The following ARHGAP10 variants were observed in gnomAD, a reference collection of about 807,000 sequenced individuals.
The protein encoded by ARHGAP10 is Rho GTPase activating protein 10, also known as rho GTPase-activating protein 10.
Under a neutral mutation model 108.6 loss-of-function variants are expected in ARHGAP10, and 87 were observed. The observed-to-expected ratio is 0.80, with a 90% CI of 0.67 to 0.96. ARHGAP10 has a LOEUF of 0.96. Ranked by LOEUF, ARHGAP10 falls within the 40% of genes least tolerant of loss-of-function variation. ARHGAP10 has a pLI of 0.00. For synonymous variants in ARHGAP10, 347 were observed against 341.1 expected, an observed-to-expected ratio of 1.02 and a Z score of -0.19; for missense variants, 939 against 954.5, an observed-to-expected ratio of 0.98 and a Z score of 0.21.
intron 13 of ARHGAP10, among the ~76,000 whole-genome samples, chr4:147,923,611 C>T (rs1350537165): frequency 6.6e-6 from 1 of 152,158 alleles, no homozygotes; most frequent in Non-Finnish European, 1.5e-5. Context: ...TTGTAACAAG[C>T]TGTGAATTCA....
intron 1 of ARHGAP10, among the ~76,000 whole-genome samples, chr4:147,763,347 C>G (rs1729664899): frequency 6.8e-6 from 1 of 147,464 alleles, no homozygotes; most frequent in South Asian, 2.1e-4. Context: ...CAGTCTCGCT[C>G]TGTCGCCAGG....
intron 1 of ARHGAP10, among the ~76,000 whole-genome samples, chr4:147,814,713 A>G (rs6848211): frequency 0.021 from 3,274 of 152,298 alleles, 114 homozygotes; most frequent in African/African-American, 0.074. Context: ...CTTTAAAAAC[A>G]ATGCTTTGAA....
intron 20 of ARHGAP10, among the ~76,000 whole-genome samples, chr4:148,053,761 G>A (rs531803898): frequency 1.3e-5 from 2 of 152,260 alleles, no homozygotes; most frequent in Non-Finnish European, 2.9e-5. Context: ...CCGACTGCCT[G>A]GCCCCTTACA....
At chr4:147,988,575 G>A (rs1457301414) in intron 18 of ARHGAP10, among the ~76,000 whole-genome samples, 1 of 152,124 alleles carries the variant, frequency 6.6e-6, no homozygotes, top group Non-Finnish European at 1.5e-5. Flanking sequence ...AAAATTGAAT[G>A]TTTATATATA....
intron 14 of ARHGAP10, among the ~76,000 whole-genome samples, chr4:147,940,284 CTG>C (rs1251290620): frequency 3.9e-5 from 6 of 152,308 alleles, no homozygotes; most frequent in African/African-American, 7.2e-5. Context: ...GCTTCCAAAA[CTG>C]TCATTTGACA....
At chr4:147,742,933 A>G (rs910064541) in intron 1 of ARHGAP10, among the ~76,000 whole-genome samples, 5 of 150,916 alleles carry the variant, frequency 3.3e-5, no homozygotes, top group African/African-American at 9.8e-5. Flanking sequence ...TTTTGGGGAC[A>G]AAGCCAGAAG....
rs1424440381 is a variant in ARHGAP10 at position 147,875,008 on chromosome 4, T to C, written c.703-13T>C. 2 of 1,566,284 alleles carry C rather than the reference T, an allele frequency of 1.3e-6. No homozygotes were observed. Among genetic ancestry groups the C allele is most frequent in the East Asian group, 2.3e-5 (1 of 43,904 alleles). ...GAACTTAACATTTATGTGTGTTTTT[T>C]AATCCATTTCAGACACGGAATCGAT... On this transcript the variant is annotated splice_polypyrimidine_tract_variant and intron_variant, in intron 7 of 22. Coordinates refer to ENST00000336498, the MANE Select transcript of ARHGAP10 (RefSeq NM_024605.4).
chr4:148,005,929 C>G (rs869764), intron 18 of ARHGAP10, among the ~76,000 whole-genome samples: 21,657 of 152,192 alleles, frequency 0.14, 2,462 homozygotes, highest in African/African-American at 0.32. Context: ...TTAGGTGAAA[C>G]AAATACATGT....
chr4:147,839,134 A>ATCTGTCTG (rs1213326296), intron 3 of ARHGAP10, among the ~76,000 whole-genome samples: 10 of 144,022 alleles, frequency 6.9e-5, no homozygotes, highest in South Asian at 2.3e-4. Context: ...CTATCTATCT[A>ATCTGTCTG]TCTATCTATC....
At chr4:147,775,917 A>G (rs1730270567) in intron 1 of ARHGAP10, among the ~76,000 whole-genome samples, 1 of 152,078 alleles carries the variant, frequency 6.6e-6, no homozygotes, top group Non-Finnish European at 1.5e-5. Context: ...CCACAACAAC[A>G]TCTCCGTTTT....
intron 19 of ARHGAP10, 90 bp downstream of exon 19, chr4:148,023,503 C>T (rs1578800684): frequency 2.3e-6 from 3 of 1,325,490 alleles, no homozygotes; most frequent in Non-Finnish European, 3.0e-6. Context: ...TTTCTGTCAT[C>T]TGTGTTTTAA....
chr4:148,067,045 T>C (rs532295559), intron 22 of ARHGAP10, among the ~76,000 whole-genome samples: 1 of 152,292 alleles, frequency 6.6e-6, no homozygotes, highest in African/African-American at 2.4e-5. Flanking sequence ...CCTCGTTCTG[T>C]CCCTCCCCTA....
intron 13 of ARHGAP10, among the ~76,000 whole-genome samples, chr4:147,933,722 C>T (rs1221685991): frequency 1.3e-5 from 2 of 152,108 alleles, no homozygotes; most frequent in Non-Finnish European, 2.9e-5. Flanking sequence ...TTCTAGTGGC[C>T]CAGATGGATG....
intron 1 of ARHGAP10, among the ~76,000 whole-genome samples, chr4:147,799,915 G>C (rs1364836786): frequency 6.6e-6 from 1 of 152,020 alleles, no homozygotes; most frequent in Non-Finnish European, 1.5e-5. Flanking sequence ...TTTTTTTGGG[G>C]GGGTGCGGGC....
chr4:147,803,562 A>G (rs1023739348), intron 1 of ARHGAP10, among the ~76,000 whole-genome samples: 7 of 152,188 alleles, frequency 4.6e-5, no homozygotes, highest in African/African-American at 1.7e-4. Flanking sequence ...GTTTGTACCC[A>G]TTAGCCAACC....
chr4:147,767,057 G>T (rs960829134), intron 1 of ARHGAP10, among the ~76,000 whole-genome samples: 3 of 151,546 alleles, frequency 2.0e-5, no homozygotes, highest in Non-Finnish European at 4.4e-5. Flanking sequence ...CTCCATGTTG[G>T]CCAGGCTGAT....
chr4:148,072,022 G>A lies in ARHGAP10; in HGVS notation c.2302G>A (p.Glu768Lys), dbSNP rs1370718286. The change falls in exon 23 of 23, where the codon GAA becomes AAA. Residue 768 changes from glutamate (E) to lysine (K), a missense_variant. By Grantham distance (56) the Glu-to-Lys change is moderately conservative. Transcript: ENST00000336498. Reference sequence around the variant, plus strand: ...AACCTCCAGGGAACCTGGCTGGCTAGAAGGGACTCTGAACGGCAAGAGGGG... The same window carrying A: ...AACCTCCAGGGAACCTGGCTGGCTAAAAGGGACTCTGAACGGCAAGAGGGG... Reference protein sequence around the residue: ...VQTSREPGWLEGTLNGKRGLI... With the variant: ...VQTSREPGWLKGTLNGKRGLI... 1 of 1,613,660 alleles carries A rather than the reference G, an allele frequency of 6.2e-7. No homozygotes were observed. The highest frequency in any genetic ancestry group is 8.5e-7 in the Non-Finnish European group (1 of 1,179,880).
At chr4:147,839,960 C>T (rs777122048) in intron 3 of ARHGAP10, among the ~76,000 whole-genome samples, 2 of 152,202 alleles carry the variant, frequency 1.3e-5, no homozygotes, top group Admixed American at 1.3e-4. Context: ...AATGGATTCT[C>T]TAGTTTGCTG....
At chr4:147,744,931 G>A (rs187829094) in intron 1 of ARHGAP10, among the ~76,000 whole-genome samples, 23 of 152,164 alleles carry the variant, frequency 1.5e-4, no homozygotes, top group Non-Finnish European at 3.2e-4. Context: ...GAGAGAGAAT[G>A]TAGAGGGAGA....
Sources: allele counts gnomAD v4.1 joint callset (sites outside exome capture counted in the v4.1 genomes callset), GRCh38; gene constraint gnomAD v4.1.1; transcripts MANE v1.5; gene names NCBI Gene and HGNC (gene_info 2026-07-23, HGNC 2026-07-21).